LRP1B: variants seen among roughly 807,000 people sequenced by gnomAD.
LRP1B encodes the protein LDL receptor related protein 1B.
LRP1B carries 217 observed loss-of-function variants against 556.6 expected under a neutral mutation model. That is an observed-to-expected ratio of 0.39 (90% confidence interval 0.35 to 0.44). The LOEUF (loss-of-function observed/expected upper bound fraction) is 0.44. Among genes scored for constraint, LRP1B ranks in the 20% least tolerant of loss-of-function variants. LRP1B has a pLI of 1.00. For synonymous variants in LRP1B, 2,047 were observed against 1,865.8 expected, an observed-to-expected ratio of 1.10 and a Z score of -2.50; for missense variants, 5,053 against 5,620.8, an observed-to-expected ratio of 0.90 and a Z score of 3.23.
chr2:142,018,790 T>C (rs1252783160), intron 1 of LRP1B, among the ~76,000 whole-genome samples: 1 of 152,102 alleles, frequency 6.6e-6, no homozygotes, highest in East Asian at 1.9e-4. Flanking sequence ...ACTTACGCTT[T>C]TTTTTTTTCC....
intron 66 of LRP1B, among the ~76,000 whole-genome samples, chr2:140,397,567 T>G (rs1324782445): frequency 6.6e-6 from 1 of 152,178 alleles, no homozygotes; most frequent in Non-Finnish European, 1.5e-5. Context: ...CCATGGCGTG[T>G]TTCTGACTAT....
intron 20 of LRP1B, among the ~76,000 whole-genome samples, chr2:140,931,689 C>T (rs10496862): frequency 0.031 from 4,789 of 152,064 alleles, 82 homozygotes; most frequent in African/African-American, 0.05. Context: ...AAAGTACTAT[C>T]GAAGCAAAAT....
chr2:140,953,569 G>A lies in LRP1B; in HGVS notation c.2888-1629C>T, dbSNP rs543709868. Among the ~76,000 whole-genome samples the A allele has an allele frequency of 9.2e-5, 14 of 152,150 alleles. 1 individual carries two copies. In the South Asian group the frequency reaches 2.5e-3, roughly 27 times the overall value. ...ATTGTATTCTCTGCATTGTCTCAGG[G>A]CTGTCAAGAACAACTGATGGCTGAA... On this transcript the variant is annotated intron_variant, in intron 18 of 90. Coordinates refer to ENST00000389484, the MANE Select transcript of LRP1B (RefSeq NM_018557.3).
intron 1 of LRP1B, among the ~76,000 whole-genome samples, chr2:141,826,461 G>T (rs1319893668): frequency 2.1e-5 from 3 of 142,676 alleles, no homozygotes; most frequent in African/African-American, 7.8e-5. Context: ...CTGGGTTCAC[G>T]CCATTCTCCT....
chr2:141,876,919 G>A (rs1197796349), intron 1 of LRP1B, among the ~76,000 whole-genome samples: 2 of 151,774 alleles, frequency 1.3e-5, no homozygotes, highest in African/African-American at 2.4e-5. Flanking sequence ...CTTTGGCATT[G>A]AATCAATCTA....
At chr2:140,995,753 A>G (rs560366190) in intron 15 of LRP1B, among the ~76,000 whole-genome samples, 102 of 152,156 alleles carry the variant, frequency 6.7e-4, no homozygotes, top group African/African-American at 2.4e-3. Context: ...AATCAAAACT[A>G]TCTTTTTATG....
At chr2:140,835,542 A>G (rs1340651283) in intron 31 of LRP1B, among the ~76,000 whole-genome samples, 1 of 151,684 alleles carries the variant, frequency 6.6e-6, no homozygotes, top group Non-Finnish European at 1.5e-5. Context: ...ATTTTTATTT[A>G]TTTATTTATT....
intron 7 of LRP1B, among the ~76,000 whole-genome samples, chr2:141,129,797 T>C (rs577387344): frequency 0.013 from 1,797 of 140,692 alleles, 50 homozygotes; most frequent in African/African-American, 0.045. Flanking sequence ...CAAATAGAGT[T>C]AGAAAATTTA....
chr2:141,599,402 G>T (rs1284628625), intron 2 of LRP1B, among the ~76,000 whole-genome samples: 2 of 151,898 alleles, frequency 1.3e-5, no homozygotes, highest in Non-Finnish European at 2.9e-5. Context: ...GCAGATTTTA[G>T]GATGTCCAGA....
In LRP1B at chr2:140,868,121, T is replaced by C. The variant is rs2105155972; in HGVS notation, c.4312A>G (p.Arg1438Gly). 6.2e-7 allele frequency: 1 copy of C among 1,602,084 alleles called. No individual in the cohort carries two copies. Among genetic ancestry groups the C allele is most frequent in the Non-Finnish European group, 8.5e-7 (1 of 1,176,072 alleles). The change falls in exon 26 of 91, where the codon AGG becomes GGG. Residue 1438 changes from arginine to glycine, a missense_variant. This residue lies in a region of LRP1B where 3,619 missense variants were observed against 3,931.9 expected (regional missense o/e 0.92). Transcript: ENST00000389484. ...NGLTVDHFEK[R>G]IVWTDARSDA... ...AACCTGGCGTCTGTCCACACTATCC[T>C]TTTCTCAAAGTGGTCCACAGTTAGT...
At chr2:141,472,950 C>T (rs1452735700) in intron 3 of LRP1B, among the ~76,000 whole-genome samples, 1 of 152,060 alleles carries the variant, frequency 6.6e-6, no homozygotes, top group Non-Finnish European at 1.5e-5. Context: ...AACTTCCAAT[C>T]AACAATTAAC....
intron 3 of LRP1B, among the ~76,000 whole-genome samples, chr2:141,278,288 G>A (rs1354242498): frequency 1.3e-5 from 2 of 152,070 alleles, no homozygotes; most frequent in Non-Finnish European, 2.9e-5. Flanking sequence ...TACATTCTAG[G>A]TAGAACCCAG....
chr2:140,350,747 C>A, intron 77 of LRP1B, 50 bp downstream of exon 77: 1 of 1,549,494 alleles, frequency 6.5e-7, no homozygotes, highest in Non-Finnish European at 8.7e-7. Flanking sequence ...GTTTAAAAAG[C>A]AGGTGGGGAA....
intron 7 of LRP1B, among the ~76,000 whole-genome samples, chr2:141,159,325 A>C (rs1424314184): frequency 6.6e-6 from 1 of 152,170 alleles, no homozygotes; most frequent in Non-Finnish European, 1.5e-5. Flanking sequence ...TAATTAGGGC[A>C]GTATATGCTC....
At chr2:141,822,548 C>T (rs1245078207) in intron 1 of LRP1B, among the ~76,000 whole-genome samples, 1 of 152,130 alleles carries the variant, frequency 6.6e-6, no homozygotes, top group Non-Finnish European at 1.5e-5. Context: ...TTTCTCATCT[C>T]TAGACACAGT....
At chr2:140,983,877 C>A (rs1229597149) in intron 17 of LRP1B, among the ~76,000 whole-genome samples, 1 of 151,766 alleles carries the variant, frequency 6.6e-6, no homozygotes, top group Non-Finnish European at 1.5e-5. Context: ...TTTAAATATT[C>A]CAGCAAACAT....
chr2:141,939,256 A>G (rs1310744488), intron 1 of LRP1B, among the ~76,000 whole-genome samples: 1 of 152,078 alleles, frequency 6.6e-6, no homozygotes, highest in East Asian at 1.9e-4. Context: ...ATATATACAC[A>G]CACACAATAT....
chr2:141,137,341 C>A (rs1290851547), intron 7 of LRP1B, among the ~76,000 whole-genome samples: 1 of 151,844 alleles, frequency 6.6e-6, no homozygotes, highest in Non-Finnish European at 1.5e-5. Context: ...GGAACACTAG[C>A]CAGAGACCGG....
At chr2:140,817,251 C>T (rs753139034) in intron 31 of LRP1B, among the ~76,000 whole-genome samples, 2 of 151,830 alleles carry the variant, frequency 1.3e-5, no homozygotes, top group African/African-American at 4.8e-5. Context: ...ACATATTTAA[C>T]TAATTTTTGA....
Sources: gnomAD v4.1 joint callset for allele counts (sites outside exome capture counted in the v4.1 genomes callset) on GRCh38, gnomAD v4.1.1 for gene constraint, gnomAD v4.1.1 regional missense constraint, MANE v1.5 for transcripts, NCBI Gene and HGNC (gene_info 2026-07-23, HGNC 2026-07-21) for gene names.